Variants in AP1G2 observed in about 807,000 individuals in gnomAD.
AP1G2 encodes the protein AP-1 complex subunit gamma-like 2.
In AP1G2, 85 loss-of-function variants were observed where a neutral mutation model predicts 95.8. That is an observed-to-expected ratio of 0.89 (90% CI 0.74 to 1.06). The LOEUF (loss-of-function observed/expected upper bound fraction) is 1.06. Among genes scored for constraint, AP1G2 ranks in the 50% least tolerant of loss-of-function variants. The pLI is 0.00. For missense variants in AP1G2, 967 were observed against 1,005.8 expected, an observed-to-expected ratio of 0.96 and a Z score of 0.52; for synonymous variants, 378 against 400.0, an observed-to-expected ratio of 0.94 and a Z score of 0.66.
In AP1G2 at chr14:23,566,091, C is replaced by G. The variant is rs146007337; in HGVS notation, c.541G>C (p.Ala181Pro). 3.3e-5 allele frequency: 54 copies of G among 1,613,810 alleles called. No homozygotes were observed. The highest frequency in any genetic ancestry group is 4.3e-5 in the Non-Finnish European group (51 of 1,179,872). Residue 181 changes from alanine to proline, a missense_variant, in exon 5 of 22, where the codon GCC becomes CCC. By Grantham distance (27) the Ala-to-Pro change is conservative. Transcript: ENST00000397120. The stretch of plus-strand genomic sequence containing the variant: ...TGGTGACGCTCATGAAGCAGTTGGG[C>G]ACAGGGTGGGAGGAAGACACTGGAG... ...ELSSVFLPPC[A>P]QLLHERHHGI...
Position 23,565,675 on chromosome 14 carries a change from G to A in AP1G2, c.672C>T (p.Leu224=). 1 of 1,614,182 alleles carries A rather than the reference G, an allele frequency of 6.2e-7. No individual in the cohort carries two copies. Among genetic ancestry groups the A allele is most frequent in the Non-Finnish European group, 8.5e-7 (1 of 1,180,020 alleles). Residue 224 remains leucine, a synonymous_variant, in exon 7 of 22, where the codon CTC becomes CTT. Transcript: ENST00000397120. ...AGTATCCCATTGTCACCAGAGTCCG[G>A]AGGATGTGTACCAGCTGGGGTACCA... ...RKVVPQLVHI[L]RTLVTMGYST...
At chr14:23,563,196 G>A in intron 14 of AP1G2, 184 bp downstream of exon 14, 1 of 1,439,188 alleles carries the variant, frequency 6.9e-7, no homozygotes, top group South Asian at 1.5e-5. Context: ...TAACCAGGAG[G>A]TACCAGAGTC....
chr14:23,567,185 G>T lies in AP1G2; in HGVS notation c.130C>A (p.Pro44Thr). ...GCCAGCTGCCGGTGCCTGTGCACTGGGTCCCCGTCGCGGAAGGAGGCCCGG... is the reference window on the plus strand; with the variant it reads ...GCCAGCTGCCGGTGCCTGTGCACTGTGTCCCCGTCGCGGAAGGAGGCCCGG... ...HIRASFRDGD[P>T]VHRHRQLAKL... The change falls in exon 2 of 22, where the codon CCA becomes ACA. Residue 44 changes from proline to threonine, a missense_variant. Physicochemically the swap from Pro to Thr is conservative, Grantham distance 38 (BLOSUM62 -1). Coordinates refer to ENST00000397120, the MANE Select transcript of AP1G2 (RefSeq NM_003917.5). The surrounding 1 kb of genome is among the most constrained non-coding windows in gnomAD (Gnocchi z 5.3). 7 of 1,612,972 alleles carry T rather than the reference G, an allele frequency of 4.3e-6. No individual in the cohort carries two copies. The highest frequency in any genetic ancestry group is 5.9e-6 in the Non-Finnish European group (7 of 1,179,384).
Position 23,562,401 on chromosome 14 carries a change from T to C in AP1G2, c.1515A>G (p.Glu505=). ...GCACCTTTTCCAGCAATGCCAGCACTTCCTCTTCGTCCACCTTCAGACATG... is the reference window on the plus strand; with the variant it reads ...GCACCTTTTCCAGCAATGCCAGCACCTCCTCTTCGTCCACCTTCAGACATG... ...EIEPLQVDEE[E]VLALLEKVLQ... Residue 505 remains glutamate (E), a synonymous_variant, in exon 16 of 22, where the codon GAA becomes GAG. Transcript: ENST00000397120. The C allele has an allele frequency of 3.7e-6, 6 of 1,614,188 alleles. No homozygotes were observed. The highest frequency in any genetic ancestry group is 5.1e-6 in the Non-Finnish European group (6 of 1,180,024).
intron 8 of AP1G2, 110 bp from the exon 9 acceptor site, chr14:23,564,770 C>T: frequency 1.0e-6 from 1 of 1,000,564 alleles, no homozygotes; most frequent in Non-Finnish European, 1.5e-6. Flanking sequence ...CTTGACCTCC[C>T]AGGCTCTGAT....
At chr14:23,565,059 C>T in intron 8 of AP1G2, 60 bp downstream of exon 8, 1 of 1,534,810 alleles carries the variant, frequency 6.5e-7, no homozygotes, top group Non-Finnish European at 9.0e-7. Context: ...ATGTGAGGGG[C>T]ACCCAGGGCT....
At position 23,567,408 on chromosome 14, in the gene AP1G2, G is replaced by A. The variant is rs1888596299; in HGVS notation, c.-5-89C>T. 5.5e-6 allele frequency: 8 copies of A among 1,464,556 alleles called. No individual in the cohort carries two copies. The South Asian group carries it at 1.1e-4, about 20-fold the overall frequency. 90.7% of individuals were successfully genotyped at this position (1,464,556 alleles called of 1,614,324 possible). ...CCCGTCCTGTGTCAAGACCCTAAGA[G>A]CCCGGGTCCCACAGGTACCCTAAAA... On this transcript the variant is annotated intron_variant, in intron 1 of 21. Coordinates refer to ENST00000397120, the MANE Select transcript of AP1G2 (RefSeq NM_003917.5). The surrounding 1 kb of genome is among the most constrained non-coding windows in gnomAD (Gnocchi z 5.3).
chr14:23,563,903 G>A (rs996192539), intron 11 of AP1G2, 47 bp from the exon 12 acceptor site: 16 of 1,605,194 alleles, frequency 1.0e-5, no homozygotes, highest in Non-Finnish European at 1.4e-5. Flanking sequence ...GGTCATCCTG[G>A]TCCATGCCTC....
rs1885312921 is a variant in AP1G2, at chr14:23,562,366, T to A, written c.1550A>T (p.His517Leu). The change falls in exon 16 of 22, where the codon CAC (histidine) becomes CTC (leucine). Residue 517 changes from histidine (H) to leucine (L), a missense_variant. His to Leu is a moderately conservative substitution (Grantham distance 99, BLOSUM62 -3). Coordinates refer to ENST00000397120, the MANE Select transcript of AP1G2 (RefSeq NM_003917.5). Reference sequence around the variant, plus strand: ...TCCTCGAGTGGCTGGCAGGGACATGTGGGACTGCAGCACCTTTTCCAGCAA... The same window carrying A: ...TCCTCGAGTGGCTGGCAGGGACATGAGGGACTGCAGCACCTTTTCCAGCAA... ...LALLEKVLQSHMSLPATRGYA... is the reference protein window; with the variant it reads ...LALLEKVLQSLMSLPATRGYA... 6.2e-7 allele frequency: 1 copy of A among 1,614,202 alleles called. No individual in the cohort carries two copies. Among genetic ancestry groups the A allele is most frequent in the African/African-American group, 1.3e-5 (1 of 75,050 alleles).
At chr14:23,564,225 G>C (rs907416290) in intron 10 of AP1G2, 66 bp from the exon 11 acceptor site, 3 of 1,612,106 alleles carry the variant, frequency 1.9e-6, no homozygotes, top group Admixed American at 1.7e-5. Flanking sequence ...TCCTGTCCTG[G>C]GTATAGGGAT....
chr14:23,559,966 T>C lies in AP1G2; in HGVS notation c.2228A>G (p.Gln743Arg). ...VPARGGLPIT[Q>R]LFRILNPNKA... ...GTTAGGATTGAGGATTCTGAAGAGC[T>C]GGGTGATAGGAAGGCCACCCCGAGC... is the stretch of plus-strand genomic sequence containing the variant. The change falls in exon 21 of 22, where the codon CAG becomes CGG. Residue 743 changes from glutamine to arginine, a missense_variant. Physicochemically the swap from Gln to Arg is conservative, Grantham distance 43. Coordinates refer to ENST00000397120, the MANE Select transcript of AP1G2 (RefSeq NM_003917.5). 6.2e-7 allele frequency: 1 copy of C among 1,613,382 alleles called. No individual in the cohort carries two copies. The highest frequency in any genetic ancestry group is 2.2e-5 in the East Asian group (1 of 44,882).
chr14:23,566,150 G>C lies in AP1G2; in HGVS notation c.482C>G (p.Thr161Ser), dbSNP rs1236170235. The C allele has an allele frequency of 6.2e-7, 1 of 1,603,822 alleles. No homozygotes were observed. Among genetic ancestry groups the C allele is most frequent in the Non-Finnish European group, 8.5e-7 (1 of 1,173,824 alleles). ...SPYVRKKAIL[T>S]AVHMIRKVPE... ...GACCTTCCGGATCATGTGCACTGCA[G>C]TCAGAATAGCCTGCAGAGGTCAGGG... is the stretch of plus-strand genomic sequence containing the variant. The change falls in exon 5 of 22, where the codon ACT (threonine) becomes AGT (serine). Residue 161 changes from threonine to serine, a missense_variant. By Grantham distance (58) the Thr-to-Ser change is moderately conservative. Coordinates refer to ENST00000397120, the MANE Select transcript of AP1G2 (RefSeq NM_003917.5).
rs752499406 is a variant in AP1G2 at position 23,564,170 on chromosome 14, T to C, written c.978-11A>G. 18 of 1,613,326 alleles carry C rather than the reference T, an allele frequency of 1.1e-5. No homozygotes were observed. The South Asian group carries it at 1.6e-4, about 15-fold the overall frequency. On this transcript the variant is annotated splice_polypyrimidine_tract_variant and intron_variant, in intron 10 of 21. Transcript: ENST00000397120. Reference sequence around the variant, plus strand: ...GTCAGGGCTACATACCTGGTCAGGATGGGGGAGGTTCTATCATACCATGGC... The same window carrying C: ...GTCAGGGCTACATACCTGGTCAGGACGGGGGAGGTTCTATCATACCATGGC...
chr14:23,564,173 G>T lies in AP1G2; in HGVS notation c.978-14C>A. ...AGGGCTACATACCTGGTCAGGATGGGGGAGGTTCTATCATACCATGGCCAT... is the reference window on the plus strand; with the variant it reads ...AGGGCTACATACCTGGTCAGGATGGTGGAGGTTCTATCATACCATGGCCAT... On this transcript the variant is annotated splice_polypyrimidine_tract_variant and intron_variant, in intron 10 of 21. Transcript: ENST00000397120. 6.2e-7 allele frequency: 1 copy of T among 1,613,300 alleles called. No individual in the cohort carries two copies.
rs546937961 is a variant in AP1G2 at position 23,567,459 on chromosome 14, A to G, written c.-5-140T>C. 53 of 1,404,044 alleles carry G rather than the reference A, an allele frequency of 3.8e-5. No homozygotes were observed. The African/African-American group carries it at 6.3e-4, about 17-fold the overall frequency. The allele number at this position is 1,404,044 out of a possible 1,614,324, so 87.0% of individuals were successfully genotyped here. Reference sequence around the variant, plus strand: ...TTGCGCCCGCATTTTACCTTTCCCGAAGTGGGTCTCCAAATTCCGCGCCCA... The same window carrying G: ...TTGCGCCCGCATTTTACCTTTCCCGGAGTGGGTCTCCAAATTCCGCGCCCA... On this transcript the variant is annotated intron_variant, in intron 1 of 21. Transcript: ENST00000397120. This position sits in a 1 kb window ranked among gnomAD's most constrained non-coding sequence, Gnocchi z 5.3.
chr14:23,564,366 C>A lies in AP1G2; in HGVS notation c.944G>T (p.Gly315Val). The change falls in exon 10 of 22, where the codon GGT (glycine) becomes GTT (valine). Residue 315 changes from glycine (G) to valine (V), a missense_variant. Coordinates refer to ENST00000397120, the MANE Select transcript of AP1G2 (RefSeq NM_003917.5). ...GLRVLAVNILGRFLLNSDRNI... is the reference protein window; with the variant it reads ...GLRVLAVNILVRFLLNSDRNI... ...CCTGTCACTGTTGAGTAGGAAGCGA[C>A]CAAGAATGTTGACAGCTAGAACCTA... 3 of 1,614,124 alleles carry A rather than the reference C, an allele frequency of 1.9e-6. No individual in the cohort carries two copies. Among genetic ancestry groups the A allele is most frequent in the Non-Finnish European group, 2.5e-6 (3 of 1,180,032 alleles).
intron 21 of AP1G2, 21 bp downstream of exon 21, chr14:23,559,917 G>A (rs1427242599): frequency 6.2e-7 from 1 of 1,611,252 alleles, no homozygotes; most frequent in Non-Finnish European, 8.5e-7. Context: ...GTCTTGTCTT[G>A]GGGGAACTCC....
intron 6 of AP1G2, 27 bp downstream of exon 6, chr14:23,565,789 C>T: frequency 6.3e-7 from 1 of 1,597,860 alleles, no homozygotes; most frequent in East Asian, 2.2e-5. Flanking sequence ...TCTTCCAGGC[C>T]CAGGGCCTGC....
rs533713574 is a variant in AP1G2 at position 23,562,400 on chromosome 14, C to G, written c.1516G>C (p.Val506Leu). ...IEPLQVDEEE[V>L]LALLEKVLQS... ...AGCACCTTTTCCAGCAATGCCAGCA[C>G]TTCCTCTTCGTCCACCTTCAGACAT... Residue 506 changes from valine (V) to leucine (L), a missense_variant, in exon 16 of 22, where the codon GTG (valine) becomes CTG (leucine). Val to Leu is a conservative substitution (Grantham distance 32). Transcript: ENST00000397120. 1 of 1,614,196 alleles carries G rather than the reference C, an allele frequency of 6.2e-7. No individual in the cohort carries two copies. The highest frequency in any genetic ancestry group is 1.7e-5 in the Admixed American group (1 of 60,022).
Sources: allele counts gnomAD v4.1 joint callset, GRCh38; gene constraint gnomAD v4.1.1; non-coding constraint Gnocchi (gnomAD v3.1); transcripts MANE v1.5; gene names NCBI Gene and HGNC (gene_info 2026-07-23, HGNC 2026-07-21).